Variants in GPHN observed in about 807,000 individuals in gnomAD.
The protein encoded by GPHN is gephyrin.
A neutral mutation model predicts 95.5 loss-of-function variants in GPHN; 17 were observed. The ratio of observed to expected loss-of-function variants is 0.18; its 90% CI spans 0.12 to 0.27. The LOEUF is 0.27. Ranked by LOEUF, GPHN falls within the 10% of genes least tolerant of loss-of-function variation. GPHN has a pLI of 1.00. For missense variants in GPHN, 660 were observed against 978.1 expected (o/e 0.67, Z 4.34); for synonymous variants, 320 against 322.5 (o/e 0.99, Z 0.08).
At chr14:67,013,529 T>C (rs2073128385) in intron 9 of GPHN, among the ~76,000 whole-genome samples, 1 of 152,110 alleles carries the variant, frequency 6.6e-6, no homozygotes, top group South Asian at 2.1e-4. Flanking sequence ...ATGTACGCCA[T>C]ACATAGCTGT....
chr14:66,998,905 A>ATG (rs1485713973), intron 9 of GPHN, among the ~76,000 whole-genome samples: 1 of 143,688 alleles, frequency 7.0e-6, no homozygotes, highest in African/African-American at 2.7e-5. Flanking sequence ...ATATATATAT[A>ATG]CACATATATA....
At chr14:66,522,470 G>T (rs545139546) in intron 1 of GPHN, among the ~76,000 whole-genome samples, 1 of 152,280 alleles carries the variant, frequency 6.6e-6, no homozygotes, top group African/African-American at 2.4e-5. Flanking sequence ...CACAGTATAT[G>T]AAGGCATATT....
chr14:67,350,192 TC>T, the GPHN span, among the ~76,000 whole-genome samples: 1 of 152,168 alleles, frequency 6.6e-6, no homozygotes, highest in South Asian at 2.1e-4. Flanking sequence ...CAAAAATTTA[TC>T]CTACGGGAAT....
At chr14:66,826,217 A>C (rs1183063816) in intron 4 of GPHN, among the ~76,000 whole-genome samples, 1 of 152,260 alleles carries the variant, frequency 6.6e-6, no homozygotes. Flanking sequence ...TTTGTATCCT[A>C]CTGGGCTTTC....
At chr14:67,697,042 T>C in the GPHN span, among the ~76,000 whole-genome samples, 1 of 152,242 alleles carries the variant, frequency 6.6e-6, no homozygotes, top group Admixed American at 6.5e-5. Context: ...TATAAAAGCC[T>C]TTCATTTGTT....
chr14:67,140,416 GA>G (rs2080384210), intron 17 of GPHN, among the ~76,000 whole-genome samples: 2 of 151,138 alleles, frequency 1.3e-5, no homozygotes, highest in South Asian at 4.2e-4. Flanking sequence ...ATAAAGCACT[GA>G]AAAGTACTTA....
chr14:66,894,984 T>G (rs921918032), intron 5 of GPHN, among the ~76,000 whole-genome samples: 8 of 152,298 alleles, frequency 5.3e-5, no homozygotes, highest in East Asian at 3.9e-4. Flanking sequence ...GAAATACCAT[T>G]TGACCCAGCC....
chr14:66,975,650 A>T (rs887302806), intron 9 of GPHN, among the ~76,000 whole-genome samples: 1 of 151,806 alleles, frequency 6.6e-6, no homozygotes, highest in African/African-American at 2.4e-5. Flanking sequence ...GAGGCCAAGG[A>T]GGGAGGATCA....
chr14:66,595,001 A>G (rs2061913038), intron 1 of GPHN, among the ~76,000 whole-genome samples: 1 of 152,210 alleles, frequency 6.6e-6, no homozygotes, highest in South Asian at 2.1e-4. Flanking sequence ...CTATATAAAC[A>G]TTTTTGAAAA....
chr14:67,559,300 G>T, the GPHN span, among the ~76,000 whole-genome samples: 2 of 152,102 alleles, frequency 1.3e-5, no homozygotes, highest in African/African-American at 4.8e-5. Flanking sequence ...TCCCTCCCCA[G>T]TCCTTGATTT....
intron 4 of GPHN, among the ~76,000 whole-genome samples, chr14:66,838,873 T>A (rs184246790): frequency 5.9e-4 from 90 of 152,286 alleles, no homozygotes; most frequent in Non-Finnish European, 1.3e-4. Flanking sequence ...CAGAATAATA[T>A]CACTGAATTA....
At chr14:67,128,733 A>C (rs2079496179) in intron 17 of GPHN, among the ~76,000 whole-genome samples, 1 of 152,006 alleles carries the variant, frequency 6.6e-6, no homozygotes, top group Non-Finnish European at 1.5e-5. Context: ...TCAGGAGTTC[A>C]AGATCAGCCT....
chr14:66,596,288 G>T (rs2061969073), intron 1 of GPHN, among the ~76,000 whole-genome samples: 1 of 152,112 alleles, frequency 6.6e-6, no homozygotes, highest in Admixed American at 6.5e-5. Context: ...TCTCCCTCCA[G>T]TCCATGGCAC....
At chr14:67,511,523 C>T in the GPHN span, among the ~76,000 whole-genome samples, 2 of 152,116 alleles carry the variant, frequency 1.3e-5, no homozygotes, top group African/African-American at 4.8e-5. Flanking sequence ...AAATATTAAA[C>T]TCCCTACTGG....
intron 18 of GPHN, among the ~76,000 whole-genome samples, chr14:67,144,250 A>AAAAATATAT (rs1168342196): frequency 2.6e-4 from 15 of 57,774 alleles, no homozygotes; most frequent in Non-Finnish European, 3.4e-4. Flanking sequence ...AAAAAAAAAA[A>AAAAATATAT]ATATATATAT....
intron 1 of GPHN, among the ~76,000 whole-genome samples, chr14:66,596,777 C>T (rs573380685): frequency 7.8e-4 from 119 of 151,990 alleles, no homozygotes; most frequent in African/African-American, 2.7e-3. Flanking sequence ...CACAGCTTGA[C>T]GGCTACAACT....
chr14:67,065,302 A>G (rs1173269475), intron 11 of GPHN, among the ~76,000 whole-genome samples: 1 of 152,142 alleles, frequency 6.6e-6, no homozygotes. Flanking sequence ...GAGAGACAGT[A>G]TGTTGTGATT....
the GPHN span, among the ~76,000 whole-genome samples, chr14:67,614,591 C>A: frequency 6.6e-6 from 1 of 151,548 alleles, no homozygotes; most frequent in African/African-American, 2.4e-5. Flanking sequence ...TAATGAGAAC[C>A]CATCTCTCCA....
the GPHN span, among the ~76,000 whole-genome samples, chr14:67,299,770 A>G: frequency 4.6e-4 from 70 of 152,210 alleles, no homozygotes; most frequent in Non-Finnish European, 3.2e-4. Flanking sequence ...AGAGATGTTT[A>G]GGAACTGACT....
Sources: allele counts gnomAD v4.1 joint callset (sites outside exome capture counted in the v4.1 genomes callset), GRCh38; gene constraint gnomAD v4.1.1; transcripts MANE v1.5; gene names NCBI Gene and HGNC (gene_info 2026-07-23, HGNC 2026-07-21).